Variants in RGS7 observed in about 807,000 individuals in gnomAD.
The protein encoded by RGS7 is regulator of G-protein signaling 7.
Under a neutral mutation model 81.1 loss-of-function variants are expected in RGS7, and 27 were observed. The observed-to-expected ratio is 0.33, with a 90% CI of 0.25 to 0.46. The LOEUF is 0.46. Ranked by LOEUF, RGS7 falls within the 20% of genes least tolerant of loss-of-function variation. The probability of loss-of-function intolerance (pLI) is 1.00; values close to 1 mark genes in which losing one functional copy is unlikely to be tolerated. For missense variants in RGS7, 396 were observed against 607.4 expected, an observed-to-expected ratio of 0.65 and a Z score of 3.66; for synonymous variants, 208 against 207.7, an observed-to-expected ratio of 1.00 and a Z score of -0.01.
At chr1:240,823,641 G>A (rs1027441388) in intron 10 of RGS7, among the ~76,000 whole-genome samples, 2 of 152,274 alleles carry the variant, frequency 1.3e-5, no homozygotes, top group East Asian at 1.9e-4. Context: ...CCCAACAAAA[G>A]CTTCCCGGCG....
intron 2 of RGS7, among the ~76,000 whole-genome samples, chr1:241,116,359 C>G (rs547868867): frequency 4.8e-4 from 73 of 152,202 alleles, no homozygotes; most frequent in Non-Finnish European, 6.8e-4. Flanking sequence ...GGAATACCAA[C>G]TCTCTCTATG....
chr1:241,058,743 T>C (rs370013992), intron 3 of RGS7, among the ~76,000 whole-genome samples: 1 of 152,252 alleles, frequency 6.6e-6, no homozygotes, highest in African/African-American at 2.4e-5. Flanking sequence ...TTGCATGCAG[T>C]AGGCATTCAA....
chr1:241,023,474 A>C (rs999774177), intron 3 of RGS7, among the ~76,000 whole-genome samples: 2 of 152,222 alleles, frequency 1.3e-5, no homozygotes, highest in African/African-American at 4.8e-5. Flanking sequence ...ACAGGCTTAA[A>C]TTGTCCTAGT....
intron 2 of RGS7, among the ~76,000 whole-genome samples, chr1:241,336,511 A>G (rs1333565289): frequency 6.6e-6 from 1 of 152,048 alleles, no homozygotes; most frequent in African/African-American, 2.4e-5. Context: ...GGATTGAATG[A>G]CTCACCACCT....
At chr1:241,106,752 C>CCACACACACACACACACACACACA (rs778017157) in intron 2 of RGS7, among the ~76,000 whole-genome samples, 4,393 of 121,544 alleles carry the variant, frequency 0.036, 124 homozygotes, top group Non-Finnish European at 0.05. Context: ...AACACCACCA[C>CCACACACACACACACACACACACA]CACACACACA....
intron 4 of RGS7, among the ~76,000 whole-genome samples, chr1:240,976,716 C>T (rs2341021): frequency 0.38 from 56,395 of 149,860 alleles, 11,928 homozygotes; most frequent in East Asian, 0.63. Context: ...TGAGCAAATT[C>T]CTCAAAATCT....
At chr1:241,189,952 AT>A (rs1476878282) in intron 2 of RGS7, among the ~76,000 whole-genome samples, 2 of 151,934 alleles carry the variant, frequency 1.3e-5, no homozygotes, top group South Asian at 2.1e-4. Flanking sequence ...AAATACAAAA[AT>A]TTAGCCGGGC....
chr1:241,259,038 C>A (rs573170514), intron 2 of RGS7, among the ~76,000 whole-genome samples: 1 of 152,090 alleles, frequency 6.6e-6, no homozygotes, highest in Non-Finnish European at 1.5e-5. Context: ...CAGTTCCTGC[C>A]CCTCCCTTTC....
intron 3 of RGS7, among the ~76,000 whole-genome samples, 199 bp from the exon 4 acceptor site, chr1:240,983,328 T>G (rs75286660): frequency 0.043 from 6,611 of 152,262 alleles, 207 homozygotes; most frequent in South Asian, 0.1. Flanking sequence ...TAAACCAAGG[T>G]GTAAACTAGT....
At position 241,218,721 on chromosome 1, in the gene RGS7, C is replaced by T. The variant is rs192662705; in HGVS notation, c.79-119959G>A. Among the ~76,000 whole-genome samples, 86 of 152,198 alleles carry T rather than the reference C, an allele frequency of 5.7e-4. 1 individual carries two copies. Among genetic ancestry groups the T allele is most frequent in the African/African-American group, 1.8e-3 (75 of 41,522 alleles). On this transcript the variant is annotated intron_variant, in intron 2 of 18. Transcript: ENST00000440928. ...GTGCAATGGCGCAATCTCGGCTCAC[C>T]GCAACCTCCACCTCCCAGGTTCACG...
chr1:241,244,717 C>T (rs2076432344), intron 2 of RGS7, among the ~76,000 whole-genome samples: 1 of 151,898 alleles, frequency 6.6e-6, no homozygotes, highest in Non-Finnish European at 1.5e-5. Flanking sequence ...AAATGTCCAA[C>T]AATGATAGAC....
intron 2 of RGS7, among the ~76,000 whole-genome samples, chr1:241,248,492 G>A (rs1419252145): frequency 6.6e-6 from 1 of 151,010 alleles, no homozygotes; most frequent in Non-Finnish European, 1.5e-5. Flanking sequence ...GTATTGATAT[G>A]ACTGTGGTTC....
In RGS7 at chr1:240,868,726, A is replaced by G; in HGVS notation, c.527+50T>C. On this transcript the variant is annotated intron_variant, in intron 8 of 18. Transcript: ENST00000440928. The surrounding 1 kb of genome is among the most constrained non-coding windows in gnomAD (Gnocchi z 5.1). ...TATTAATTGTAGTGCCTCTCTGAAC[A>G]AAAAGGCCACAACTGGAACAAATCT... 1 of 1,612,060 alleles carries G rather than the reference A, an allele frequency of 6.2e-7. No homozygotes were observed. Among genetic ancestry groups the G allele is most frequent in the South Asian group, 1.1e-5 (1 of 91,048 alleles).
chr1:240,974,772 T>A (rs1683805316), intron 4 of RGS7, among the ~76,000 whole-genome samples: 1 of 152,220 alleles, frequency 6.6e-6, no homozygotes, highest in South Asian at 2.1e-4. Flanking sequence ...TCAATTCAGT[T>A]AAATGTGCTT....
rs558204892 is a variant in RGS7, at chr1:241,236,888, A to C, written c.78+118811T>G. On this transcript the variant is annotated intron_variant, in intron 2 of 18. Coordinates refer to ENST00000440928, the MANE Select transcript of RGS7 (RefSeq NM_001364886.1). ...TGTGTACATTCTAGGAGTAAAACCT[A>C]TGCTTTGTTAATATTACAAAGTAAA... Among the ~76,000 whole-genome samples, 20 of 152,370 alleles carry C rather than the reference A, an allele frequency of 1.3e-4. No homozygotes were observed. In the South Asian group the frequency reaches 4.1e-3, roughly 32 times the overall value.
chr1:241,070,486 C>G (rs1490666694), intron 3 of RGS7, among the ~76,000 whole-genome samples: 1 of 152,170 alleles, frequency 6.6e-6, no homozygotes, highest in African/African-American at 2.4e-5. Flanking sequence ...TTTTTAAGTT[C>G]ACCTTGACCT....
chr1:240,884,740 T>G (rs1667054285), intron 6 of RGS7, among the ~76,000 whole-genome samples: 1 of 152,168 alleles, frequency 6.6e-6, no homozygotes, highest in Admixed American at 6.5e-5. Context: ...CTTTACACCA[T>G]ATACAAAATT....
chr1:240,806,363 G>A lies in RGS7; in HGVS notation c.1083-37C>T, dbSNP rs1409869152. ...GTGAGATCGGGTGTTTACTCTGATG[G>A]CCCATCATCTGAAAATTCTTGTGAC... On this transcript the variant is annotated intron_variant, in intron 14 of 18. Coordinates refer to ENST00000440928, the MANE Select transcript of RGS7 (RefSeq NM_001364886.1). The A allele has an allele frequency of 2.5e-6, 4 of 1,590,318 alleles. No individual in the cohort carries two copies. In the South Asian group the frequency reaches 3.3e-5, roughly 13 times the overall value.
chr1:240,879,250 C>T (rs1044695384), intron 6 of RGS7, among the ~76,000 whole-genome samples: 3 of 152,208 alleles, frequency 2.0e-5, no homozygotes, highest in Admixed American at 1.3e-4. Context: ...GTCCCCTTCA[C>T]TAATGTGGCT....
Sources: allele counts gnomAD v4.1 joint callset (sites outside exome capture counted in the v4.1 genomes callset), GRCh38; gene constraint gnomAD v4.1.1; non-coding constraint Gnocchi (gnomAD v3.1); transcripts MANE v1.5; gene names NCBI Gene and HGNC (gene_info 2026-07-23, HGNC 2026-07-21).